The following CHD2 variants were observed in gnomAD, a reference collection of about 807,000 sequenced individuals.
The protein encoded by CHD2 is ATP-dependent chromatin remodeler CHD2.
A neutral mutation model predicts 243.9 loss-of-function variants in CHD2; 28 were observed. The ratio of observed to expected loss-of-function variants is 0.11; its 90% confidence interval spans 0.09 to 0.16. CHD2 has a LOEUF of 0.16. CHD2 is among the 10% of genes least tolerant of loss of function. CHD2 has a pLI of 1.00. For missense variants in CHD2, 1,386 were observed against 2,209.8 expected, an observed-to-expected ratio of 0.63 and a Z score of 7.47; for synonymous variants, 775 against 779.0, an observed-to-expected ratio of 0.99 and a Z score of 0.09.
intron 5 of CHD2, 45 bp downstream of exon 5, chr15:92,929,136 C>T: frequency 6.5e-7 from 1 of 1,549,034 alleles, no homozygotes; most frequent in Non-Finnish European, 8.8e-7. Context: ...TAGTTTCAAA[C>T]TTGTCAGCAT....
In CHD2 at chr15:93,000,598, T is replaced by C. The variant is rs777131411; in HGVS notation, c.4095T>C (p.Ser1365=). Reference sequence around the variant, plus strand: ...AGGAGCATGGAATTGAGCTTTCATCTCCTAGGCATTCAGATAATCCATCAG... The same window carrying C: ...AGGAGCATGGAATTGAGCTTTCATCCCCTAGGCATTCAGATAATCCATCAG... ...LKEEHGIELS[S]PRHSDNPSEE... The change falls in exon 32 of 39, where the codon TCT becomes TCC. Residue 1365 remains serine (S), a synonymous_variant. Coordinates refer to ENST00000394196, the MANE Select transcript of CHD2 (RefSeq NM_001271.4). The C allele has an allele frequency of 8.7e-6, 14 of 1,613,650 alleles. No homozygotes were observed. In the South Asian group the frequency reaches 1.5e-4, roughly 18 times the overall value.
chr15:92,949,897 A>G (rs2053529579), intron 13 of CHD2, among the ~76,000 whole-genome samples: 1 of 152,218 alleles, frequency 6.6e-6, no homozygotes, highest in South Asian at 2.1e-4. Context: ...TCCCTGACTC[A>G]TTGGGTTCTT....
chr15:92,927,372 A>G (rs764157851), intron 4 of CHD2, 42 bp downstream of exon 4: 7 of 1,368,406 alleles, frequency 5.1e-6, no homozygotes, highest in South Asian at 3.6e-5. Flanking sequence ...TAAACTCCCT[A>G]TCTTACTTCA....
At chr15:92,910,058 GT>G (rs2052702886) in intron 2 of CHD2, among the ~76,000 whole-genome samples, 1 of 151,790 alleles carries the variant, frequency 6.6e-6, no homozygotes, top group Non-Finnish European at 1.5e-5. Flanking sequence ...TCACACTGGA[GT>G]GCAGTGGTAC....
Position 93,024,910 on chromosome 15 carries a change from G to T in CHD2, c.*205G>T. 1 of 531,484 alleles carries T rather than the reference G, an allele frequency of 1.9e-6. No homozygotes were observed. 32.9% of individuals were successfully genotyped at this position (531,484 alleles called of 1,614,324 possible). A position where few individuals can be genotyped will look rare whatever the true frequency, so the allele number is the denominator to read the frequency against. On this transcript the variant is annotated 3_prime_UTR_variant, in exon 39 of 39. Transcript: ENST00000394196. The stretch of plus-strand genomic sequence containing the variant: ...TTCGGGTCACCACTCCTGCACTTTG[G>T]CACCCCATCCCATTCCAGCCTAGTT...
chr15:92,984,539 T>C (rs748380662), intron 25 of CHD2, 39 bp downstream of exon 25: 11 of 1,559,966 alleles, frequency 7.1e-6, no homozygotes, highest in Non-Finnish European at 8.7e-6. Context: ...TTATTTCTTA[T>C]GTTGTGAATG....
At chr15:92,964,663 A>T (rs2053733384) in intron 16 of CHD2, among the ~76,000 whole-genome samples, 1 of 152,234 alleles carries the variant, frequency 6.6e-6, no homozygotes, top group African/African-American at 2.4e-5. Flanking sequence ...CAGGGAGTAC[A>T]CATGACTAAC....
intron 13 of CHD2, 156 bp downstream of exon 13, chr15:92,949,232 A>G: frequency 6.9e-7 from 1 of 1,454,486 alleles, no homozygotes; most frequent in East Asian, 2.5e-5. Flanking sequence ...TGATTGAGAG[A>G]AATGCTTCCT....
intron 16 of CHD2, among the ~76,000 whole-genome samples, chr15:92,960,060 T>A (rs575031360): frequency 6.6e-6 from 1 of 152,234 alleles, no homozygotes; most frequent in Non-Finnish European, 1.5e-5. Context: ...CAGTGTTTAG[T>A]GGTTTTTAGT....
intron 34 of CHD2, among the ~76,000 whole-genome samples, chr15:93,008,839 A>G (rs1490013608): frequency 6.6e-6 from 1 of 152,186 alleles, no homozygotes; most frequent in African/African-American, 2.4e-5. Context: ...GCTGCTCATT[A>G]GATCTTCAAA....
chr15:92,913,070 G>T (rs1408055647), intron 2 of CHD2, among the ~76,000 whole-genome samples: 1 of 152,108 alleles, frequency 6.6e-6, no homozygotes, highest in Non-Finnish European at 1.5e-5. Flanking sequence ...AAATCACCTG[G>T]GGTGCTTGTT....
intron 10 of CHD2, 123 bp from the exon 11 acceptor site, chr15:92,945,698 T>A (rs2053456031): frequency 1.8e-6 from 1 of 550,470 alleles, no homozygotes; most frequent in Non-Finnish European, 3.0e-6. Flanking sequence ...ATAATCCCAT[T>A]TTTTTTTTTT....
At chr15:92,927,530 A>T (rs1596382127) in intron 4 of CHD2, among the ~76,000 whole-genome samples, 200 bp downstream of exon 4, 1 of 152,216 alleles carries the variant, frequency 6.6e-6, no homozygotes, top group Non-Finnish European at 1.5e-5. Context: ...GAAAGATCAT[A>T]TAATAGTGAA....
In CHD2 at chr15:92,902,810, C is replaced by T. The variant is rs555778053; in HGVS notation, c.62+1511C>T. 6 of 152,302 alleles carry T rather than the reference C, an allele frequency of 3.9e-5. No homozygotes were observed. In the East Asian group the frequency reaches 1.2e-3, roughly 29 times the overall value. The allele number at this position is 152,302 out of a possible 1,614,324, so 9.4% of individuals were successfully genotyped here. A position where few individuals can be genotyped will look rare whatever the true frequency, so the allele number is the denominator to read the frequency against. ...AAAATTGTTGCTCCCTTGAGTGTAT[C>T]ATTTGCATAGGTCTCACATGGGTTT... is the stretch of plus-strand genomic sequence containing the variant. On this transcript the variant is annotated intron_variant, in intron 2 of 38. Coordinates refer to ENST00000394196, the MANE Select transcript of CHD2 (RefSeq NM_001271.4).
chr15:92,934,434 C>G (rs532832143), intron 5 of CHD2, among the ~76,000 whole-genome samples: 133 of 151,994 alleles, frequency 8.8e-4, no homozygotes, highest in Middle Eastern at 3.4e-3. Context: ...AGGGGGGACT[C>G]TGTTAATGGC....
intron 5 of CHD2, among the ~76,000 whole-genome samples, chr15:92,935,546 C>T (rs2053251328): frequency 6.6e-6 from 1 of 152,044 alleles, no homozygotes; most frequent in Non-Finnish European, 1.5e-5. Flanking sequence ...ATTGGTGAAT[C>T]TTTCTTATCT....
At chr15:92,991,210 C>G (rs571357093) in intron 26 of CHD2, 12 of 360,480 alleles carry the variant, frequency 3.3e-5, no homozygotes, top group African/African-American at 2.6e-4. Flanking sequence ...TCACAGTTCT[C>G]TAGCATGTTA....
At chr15:92,911,336 A>G (rs1305775494) in intron 2 of CHD2, among the ~76,000 whole-genome samples, 1 of 152,210 alleles carries the variant, frequency 6.6e-6, no homozygotes, top group Admixed American at 6.5e-5. Flanking sequence ...TAGATGAGAA[A>G]ATTGAGTCAC....
chr15:92,941,126 A>G (rs1217919633), intron 7 of CHD2, among the ~76,000 whole-genome samples: 4 of 149,944 alleles, frequency 2.7e-5, no homozygotes, highest in Non-Finnish European at 5.9e-5. Context: ...CTCAGCCTCC[A>G]GAGTAGCTGG....
Sources: allele counts gnomAD v4.1 joint callset (sites outside exome capture counted in the v4.1 genomes callset), GRCh38; gene constraint gnomAD v4.1.1; transcripts MANE v1.5; gene names NCBI Gene and HGNC (gene_info 2026-07-23, HGNC 2026-07-21).